GATA4: variants seen among roughly 807,000 people sequenced by gnomAD.
The protein encoded by GATA4 is GATA binding protein 4.
GATA4 carries 7 observed loss-of-function variants against 37.9 expected under a neutral mutation model. That is an observed-to-expected ratio of 0.18 (90% CI 0.11 to 0.35). The LOEUF is 0.35. Among genes scored for constraint, GATA4 ranks in the 10% least tolerant of loss-of-function variants. GATA4 has a pLI of 1.00. For missense variants in GATA4, 647 were observed against 653.0 expected, an observed-to-expected ratio of 0.99 and a Z score of 0.10; for synonymous variants, 372 against 292.6, an observed-to-expected ratio of 1.27 and a Z score of -2.77.
intron 1 of GATA4, among the ~76,000 whole-genome samples, chr8:11,696,241 G>A (rs1237654934): frequency 1.3e-5 from 2 of 152,024 alleles, no homozygotes; most frequent in African/African-American, 4.8e-5. Flanking sequence ...TAGTCCCAGC[G>A]CCCCTCCAAA....
At chr8:11,683,790 C>G (rs1799053967) in intron 1 of GATA4, among the ~76,000 whole-genome samples, 1 of 152,228 alleles carries the variant, frequency 6.6e-6, no homozygotes, top group South Asian at 2.1e-4. Flanking sequence ...TCTAGCCAGC[C>G]TTCCATTCAG....
intron 2 of GATA4, among the ~76,000 whole-genome samples, chr8:11,727,865 T>C (rs1297783373): frequency 6.6e-6 from 1 of 152,024 alleles, no homozygotes; most frequent in Non-Finnish European, 1.5e-5. Context: ...TTACCCCGTA[T>C]AATGTCACCC....
At chr8:11,748,141 G>C (rs895817818) in intron 2 of GATA4, among the ~76,000 whole-genome samples, 1 of 152,148 alleles carries the variant, frequency 6.6e-6, no homozygotes, top group South Asian at 2.1e-4. Context: ...TCGCGTGAAC[G>C]TGGGAGGCAG....
In GATA4 at chr8:11,757,166, G is replaced by C. The variant is rs1351105791; in HGVS notation, c.1149+83G>C. On this transcript the variant is annotated intron_variant, in intron 6 of 6. Transcript: ENST00000532059. ...CAGAGGCCAGCCTAGTACTGGGTGGGACTTGCAGCCAGGCCTCACAGGTGC... is the reference window on the plus strand; with the variant it reads ...CAGAGGCCAGCCTAGTACTGGGTGGCACTTGCAGCCAGGCCTCACAGGTGC... The C allele has an allele frequency of 3.5e-5, 55 of 1,567,790 alleles. No homozygotes were observed. The South Asian group carries it at 6.1e-4, about 17-fold the overall frequency.
chr8:11,742,399 TTTC>T (rs1297049800), intron 2 of GATA4, among the ~76,000 whole-genome samples: 2,716 of 67,752 alleles, frequency 0.04, 91 homozygotes, highest in African/African-American at 0.086. Flanking sequence ...TTTTTTTTCC[TTTC>T]CCTTTCCCTT....
At chr8:11,729,460 T>G (rs568224813) in intron 2 of GATA4, among the ~76,000 whole-genome samples, 1 of 151,246 alleles carries the variant, frequency 6.6e-6, no homozygotes, top group Admixed American at 6.6e-5. Context: ...TCCCAGCTAC[T>G]TGGGAGGCTG....
chr8:11,679,927 A>G (rs1464020844), intron 1 of GATA4, among the ~76,000 whole-genome samples: 1 of 152,224 alleles, frequency 6.6e-6, no homozygotes, highest in East Asian at 1.9e-4. Context: ...GTGTCGCCGA[A>G]TAGTTTACAA....
intron 1 of GATA4, chr8:11,680,425 G>A (rs1798920183): frequency 1.0e-6 from 1 of 961,330 alleles, no homozygotes; most frequent in Non-Finnish European, 1.2e-6. Flanking sequence ...AGGCTGAGGA[G>A]CTCCCTCTCA....
At chr8:11,693,535 A>G (rs1426651001) in intron 1 of GATA4, among the ~76,000 whole-genome samples, 2 of 101,838 alleles carry the variant, frequency 2.0e-5, no homozygotes, top group Non-Finnish European at 2.0e-5. Context: ...ACACACACAC[A>G]CACACACACA....
chr8:11,747,323 C>G (rs1166369399), intron 2 of GATA4, among the ~76,000 whole-genome samples: 1 of 152,126 alleles, frequency 6.6e-6, no homozygotes, highest in Non-Finnish European at 1.5e-5. Context: ...GGAGAATGGA[C>G]ACAGGTGGAA....
Position 11,709,577 on chromosome 8 carries a change from G to GGGGGGGGA in GATA4, c.616+656_616+657insAGGGGGGG, listed in dbSNP as rs765455896. On this transcript the variant is annotated intron_variant, in intron 2 of 6. Transcript: ENST00000532059. This position sits in a 1 kb window ranked among gnomAD's most constrained non-coding sequence, Gnocchi z 4.3. ...GCGTGGGCGCATCATGCGGGCAGCG[G>GGGGGGGGA]GGGGGGGGGCGCACACGCCCGGTCA... Among the ~76,000 whole-genome samples the GGGGGGGGA allele has an allele frequency of 0.035, 4,741 of 136,354 alleles. 313 individuals are homozygous for GGGGGGGGA. The highest frequency in any genetic ancestry group is 0.11 in the African/African-American group (3,815 of 34,288). The allele number at this position is 136,354 out of a possible 152,430, so 89.5% of individuals were successfully genotyped here.
chr8:11,686,434 C>T (rs1248807800), intron 1 of GATA4, among the ~76,000 whole-genome samples: 4 of 152,020 alleles, frequency 2.6e-5, no homozygotes, highest in East Asian at 1.9e-4. Context: ...GGTTGGCCTT[C>T]GTTGGTTGGG....
intron 1 of GATA4, chr8:11,697,594 C>T: frequency 1.0e-6 from 1 of 985,442 alleles, no homozygotes; most frequent in South Asian, 4.7e-5. Flanking sequence ...GGGTCCTCGC[C>T]TGCGCCGAGG....
chr8:11,734,103 A>G (rs1801336793), intron 2 of GATA4, among the ~76,000 whole-genome samples: 1 of 152,236 alleles, frequency 6.6e-6, no homozygotes. Flanking sequence ...CTTAAACAGC[A>G]CCAAACCAAG....
chr8:11,746,996 T>C (rs554814264), intron 2 of GATA4, among the ~76,000 whole-genome samples: 6 of 152,094 alleles, frequency 3.9e-5, no homozygotes, highest in Non-Finnish European at 7.4e-5. Context: ...TGGCCCACAT[T>C]CCCCTAGAGC....
Position 11,707,541 on chromosome 8 carries a change from T to G in GATA4, c.-457-315T>G, listed in dbSNP as rs781746185. Among the ~76,000 whole-genome samples the G allele has an allele frequency of 3.9e-5, 6 of 152,048 alleles. No homozygotes were observed. The highest frequency in any genetic ancestry group is 7.4e-5 in the Non-Finnish European group (5 of 68,012). ...ACAAAAATATGCTTGCAGAATAAGGTAACATTAAAGTCCTTCCTGACAAGC... is the reference window on the plus strand; with the variant it reads ...ACAAAAATATGCTTGCAGAATAAGGGAACATTAAAGTCCTTCCTGACAAGC... On this transcript the variant is annotated intron_variant, in intron 1 of 6. Transcript: ENST00000532059. This position sits in a 1 kb window ranked among gnomAD's most constrained non-coding sequence, Gnocchi z 4.7.
chr8:11,702,952 G>T (rs1432132217), upstream of GATA4, among the ~76,000 whole-genome samples: 2 of 152,344 alleles, frequency 1.3e-5, no homozygotes, highest in African/African-American at 4.8e-5. This position sits in a 1 kb window ranked among gnomAD's most constrained non-coding sequence, Gnocchi z 4.4. Flanking sequence ...CGATCCCATG[G>T]GGGGTTTCCT....
chr8:11,702,387 C>T (rs1799706243), upstream of GATA4, among the ~76,000 whole-genome samples: 1 of 151,986 alleles, frequency 6.6e-6, no homozygotes, highest in Non-Finnish European at 1.5e-5. The surrounding 1 kb of genome is among the most constrained non-coding windows in gnomAD (Gnocchi z 4.4). Context: ...TAGCTTCCCG[C>T]TCGCCCAAGC....
chr8:11,728,057 C>G (rs1322998867), intron 2 of GATA4, among the ~76,000 whole-genome samples: 1 of 152,162 alleles, frequency 6.6e-6, no homozygotes, highest in Non-Finnish European at 1.5e-5. Context: ...GTGGTGCAAT[C>G]TCAGCTCACT....
Sources: gnomAD v4.1 joint callset for allele counts (sites outside exome capture counted in the v4.1 genomes callset) on GRCh38, gnomAD v4.1.1 for gene constraint, Gnocchi (gnomAD v3.1) non-coding constraint, MANE v1.5 for transcripts, NCBI Gene and HGNC (gene_info 2026-07-23, HGNC 2026-07-21) for gene names.